Variants in PIGT observed in about 807,000 individuals in gnomAD.
PIGT encodes the protein GPI-anchor transamidase component PIGT.
A neutral mutation model predicts 66.7 loss-of-function variants in PIGT; 57 were observed. The observed-to-expected ratio is 0.86, with a 90% confidence interval of 0.69 to 1.07. The LOEUF (loss-of-function observed/expected upper bound fraction) is 1.07. PIGT is among the 50% of genes least tolerant of loss of function. The pLI is 0.00. For missense variants in PIGT, 725 were observed against 740.4 expected (o/e 0.98, Z 0.24); for synonymous variants, 362 against 320.5 (o/e 1.13, Z -1.38).
intron 10 of PIGT, 31 bp downstream of exon 10, chr20:45,424,412 TC>T (rs1373808730): frequency 6.2e-7 from 1 of 1,613,638 alleles, no homozygotes; most frequent in Non-Finnish European, 8.5e-7. Flanking sequence ...CCACCTCTCA[TC>T]CCCCTGACCT....
intron 11 of PIGT, chr20:45,425,196 T>C (rs993876349): frequency 2.1e-5 from 3 of 144,290 alleles, no homozygotes; most frequent in Non-Finnish European, 3.0e-5. Flanking sequence ...TCTTTCTTTC[T>C]TTCTTTCTTT....
chr20:45,419,175 GT>G, intron 3 of PIGT, 119 bp from the exon 4 acceptor site: 6 of 1,072,010 alleles, frequency 5.6e-6, no homozygotes, highest in Non-Finnish European at 8.3e-6. Flanking sequence ...AGTTGGGACT[GT>G]CCAGACTGTG....
intron 11 of PIGT, 77 bp from the exon 12 acceptor site, chr20:45,425,497 A>G: frequency 6.6e-7 from 1 of 1,518,382 alleles, no homozygotes; most frequent in Non-Finnish European, 8.9e-7. Flanking sequence ...TGCATTGCCC[A>G]ATACTGCCGG....
At chr20:45,420,019 C>A in intron 5 of PIGT, 117 bp from the exon 6 acceptor site, 1 of 744,812 alleles carries the variant, frequency 1.3e-6, no homozygotes, top group Non-Finnish European at 2.3e-6. Context: ...TGGGTGGTAG[C>A]AAATCGATGG....
intron 9 of PIGT, chr20:45,423,641 T>G (rs1430808255): frequency 6.6e-6 from 1 of 152,068 alleles, no homozygotes; most frequent in Non-Finnish European, 1.5e-5. Flanking sequence ...TCCCTTATTA[T>G]AAATGTCTTG....
chr20:45,424,477 T>A lies in PIGT; in HGVS notation c.1401-19T>A, dbSNP rs750086430. On this transcript the variant is annotated intron_variant, in intron 10 of 11. Transcript: ENST00000279036. Reference sequence around the variant, plus strand: ...GGCAGCCAGATGGGAACACGGGCCATCTCTCTGCTTCTCTGTAGCCCATCT... The same window carrying A: ...GGCAGCCAGATGGGAACACGGGCCAACTCTCTGCTTCTCTGTAGCCCATCT... The A allele has an allele frequency of 3.1e-6, 5 of 1,614,008 alleles. No homozygotes were observed. The highest frequency in any genetic ancestry group is 4.2e-6 in the Non-Finnish European group (5 of 1,179,844).
rs1990286686 is a variant in PIGT at position 45,420,432 on chromosome 20, A to G, written c.867+3A>G. On this transcript the variant is annotated splice_donor_region_variant and intron_variant, in intron 7 of 11. Transcript: ENST00000279036. ...TGGACATCACCACCTACAACCAGGT[A>G]ACAAGGTCTCCAGCCACACACACAA... 1 of 1,612,762 alleles carries G rather than the reference A, an allele frequency of 6.2e-7. No homozygotes were observed. The highest frequency in any genetic ancestry group is 1.1e-5 in the South Asian group (1 of 90,974).
Position 45,424,591 on chromosome 20 carries a change from C to A in PIGT, c.1484+12C>A. 1 of 1,607,154 alleles carries A rather than the reference C, an allele frequency of 6.2e-7. No homozygotes were observed. Among genetic ancestry groups the A allele is most frequent in the East Asian group, 2.2e-5 (1 of 44,864 alleles). Reference sequence around the variant, plus strand: ...CTCTTCAACAGCCTGTAAGTGTGACCACACTCACTGATAACACATCCTCAG... The same window carrying A: ...CTCTTCAACAGCCTGTAAGTGTGACAACACTCACTGATAACACATCCTCAG... On this transcript the variant is annotated intron_variant, in intron 11 of 11. Transcript: ENST00000279036.
chr20:45,419,400 G>A lies in PIGT; in HGVS notation c.594+5G>A. 2 of 1,609,936 alleles carry A rather than the reference G, an allele frequency of 1.2e-6. No individual in the cohort carries two copies. The highest frequency in any genetic ancestry group is 1.7e-6 in the Non-Finnish European group (2 of 1,178,648). On this transcript the variant is annotated splice_donor_5th_base_variant and intron_variant, in intron 4 of 11. Coordinates refer to ENST00000279036, the MANE Select transcript of PIGT (RefSeq NM_015937.6). ...CTCTTGCCCTGTAGTTCCAAGGTGA[G>A]GCCGCAGAGCCTGGCAGCCGGGGGC... is the stretch of plus-strand genomic sequence containing the variant.
At position 45,419,601 on chromosome 20, in the gene PIGT, G is replaced by T. The variant is rs748962629; in HGVS notation, c.681+11G>T. On this transcript the variant is annotated intron_variant, in intron 5 of 11. Transcript: ENST00000279036. ...CGCCCTGTTTGCAGAGTAAGTCATG[G>T]GGAGTAGAGGAAGCTGCCATCCAGG... 4 of 1,586,698 alleles carry T rather than the reference G, an allele frequency of 2.5e-6. No individual in the cohort carries two copies.
chr20:45,420,648 C>T lies in PIGT; in HGVS notation c.988C>T (p.Arg330Ter), dbSNP rs201317502. The T allele has an allele frequency of 2.9e-5, 46 of 1,613,844 alleles. No individual in the cohort carries two copies. The highest frequency in any genetic ancestry group is 1.3e-4 in the African/African-American group (10 of 74,948). ...LLDTAMINNS[R>*]NLNIQLKWKR... is the part of the protein sequence containing the mutation. ...TGACACCGCCATGATCAACAACTCT[C>T]GAAACCTCAACATCCAGCTCAAGTG... is the stretch of plus-strand genomic sequence containing the variant. Residue 330 changes from arginine to a stop codon, truncating the protein, a stop_gained, in exon 8 of 12, where the codon CGA becomes TGA. Transcript: ENST00000279036. LOFTEE classifies it high-confidence loss of function.
At chr20:45,418,525 G>A (rs1410052262) in intron 2 of PIGT, 2 of 357,448 alleles carry the variant, frequency 5.6e-6, no homozygotes, top group Non-Finnish European at 1.1e-5. Flanking sequence ...GAAAGGCTTC[G>A]TGGAGGGGAG....
At position 45,424,362 on chromosome 20, in the gene PIGT, A is replaced by G. The variant is rs778395390; in HGVS notation, c.1381A>G (p.Asn461Asp). 1 of 1,614,132 alleles carries G rather than the reference A, an allele frequency of 6.2e-7. No homozygotes were observed. The highest frequency in any genetic ancestry group is 8.5e-7 in the Non-Finnish European group (1 of 1,179,996). ...LKWTEYTPDP[N>D]HGFYVSPSVL... ...GTGGACCGAGTACACGCCAGATCCT[A>G]ACCATGGCTTCTATGTCAGGTGGGC... is the stretch of plus-strand genomic sequence containing the variant. Residue 461 changes from asparagine to aspartate, a missense_variant, in exon 10 of 12, where the codon AAC becomes GAC. Physicochemically the swap from Asn to Asp is conservative, Grantham distance 23. Coordinates refer to ENST00000279036, the MANE Select transcript of PIGT (RefSeq NM_015937.6).
In PIGT at chr20:45,420,381, C is replaced by G. The variant is rs993697819; in HGVS notation, c.819C>G (p.Pro273=). Residue 273 remains proline, a synonymous_variant, in exon 7 of 12, where the codon CCC becomes CCG. Transcript: ENST00000279036. ...MFSRTLTEPC[P]LASESRVYVD... is the part of the protein sequence containing the mutation. ...CCCGAACCCTCACGGAGCCCTGCCC[C>G]CTGGCTTCAGAGAGCCGAGTCTATG... is the stretch of plus-strand genomic sequence containing the variant. The G allele has an allele frequency of 1.6e-5, 26 of 1,613,770 alleles. No individual in the cohort carries two copies. The highest frequency in any genetic ancestry group is 1.5e-5 in the Non-Finnish European group (18 of 1,179,930).
At position 45,416,231 on chromosome 20, in the gene PIGT, C is replaced by T. The variant is rs969299489; in HGVS notation, c.75C>T (p.Pro25=). 3.9e-5 allele frequency: 62 copies of T among 1,597,276 alleles called. No individual in the cohort carries two copies. The highest frequency in any genetic ancestry group is 5.3e-5 in the Non-Finnish European group (62 of 1,172,550). The change falls in exon 1 of 12, where the codon CCC becomes CCT. Residue 25 remains proline (P), a synonymous_variant. Transcript: ENST00000279036. Reference sequence around the variant, plus strand: ...CCGGCGGCTGGTGCCTTGCAGAACCCCCACGCGACAGCCTGCGGGAGGAAC... The same window carrying T: ...CCGGCGGCTGGTGCCTTGCAGAACCTCCACGCGACAGCCTGCGGGAGGAAC... ...LGPGGWCLAE[P]PRDSLREELV...
chr20:45,425,196 TTTC>T (rs1568955016), intron 11 of PIGT: 3 of 144,290 alleles, frequency 2.1e-5, no homozygotes, highest in African/African-American at 7.8e-5. Flanking sequence ...TCTTTCTTTC[TTTC>T]TTTCTTTCTC....
chr20:45,418,779 A>T, intron 2 of PIGT, 73 bp from the exon 3 acceptor site: 1 of 1,579,168 alleles, frequency 6.3e-7, no homozygotes, highest in South Asian at 1.1e-5. Context: ...TAGGTTTAGC[A>T]GCCAGCTGTG....
In PIGT at chr20:45,420,704, G is replaced by A. The variant is rs200691114; in HGVS notation, c.1033+11G>A. ...GACCCCCAGAGAATGGTGAGTGGGT[G>A]GTTGGTTGGACTGCTGGGTTGCAAC... On this transcript the variant is annotated intron_variant, in intron 8 of 11. Transcript: ENST00000279036. 3.1e-6 allele frequency: 5 copies of A among 1,613,702 alleles called. No individual in the cohort carries two copies. Among genetic ancestry groups the A allele is most frequent in the East Asian group, 2.2e-5 (1 of 44,748 alleles).
Position 45,420,796 on chromosome 20 carries a change from G to C in PIGT, c.1033+103G>C, listed in dbSNP as rs1022553173. The C allele has an allele frequency of 8.6e-5, 104 of 1,205,960 alleles. No individual in the cohort carries two copies. The African/African-American group carries it at 8.7e-4, about 10-fold the overall frequency. 74.7% of individuals were successfully genotyped at this position (1,205,960 alleles called of 1,614,324 possible). A position where few individuals can be genotyped will look rare whatever the true frequency, so the allele number is the denominator to read the frequency against. ...AGATGATTGGGTTGTATTTAGACCAGATTTCCAGAGTCATATGCTGCTGAC... is the reference window on the plus strand; with the variant it reads ...AGATGATTGGGTTGTATTTAGACCACATTTCCAGAGTCATATGCTGCTGAC... On this transcript the variant is annotated intron_variant, in intron 8 of 11. Transcript: ENST00000279036.
Sources: gnomAD v4.1 joint callset for allele counts on GRCh38, gnomAD v4.1.1 for gene constraint, MANE v1.5 for transcripts, NCBI Gene and HGNC (gene_info 2026-07-23, HGNC 2026-07-21) for gene names.